MTERF3: variants seen among roughly 807,000 people sequenced by gnomAD.
The protein encoded by MTERF3 is transcription termination factor 3, mitochondrial.
A neutral mutation model predicts 40.5 loss-of-function variants in MTERF3; 40 were observed. The ratio of observed to expected loss-of-function variants is 0.99; its 90% confidence interval spans 0.77 to 1.29. MTERF3 has a LOEUF of 1.29. Among genes scored for constraint, MTERF3 ranks in the 50% most tolerant of loss-of-function variants. The pLI, the probability that MTERF3 is intolerant of heterozygous loss-of-function variation, is 0.00. For synonymous variants in MTERF3, 158 were observed against 166.6 expected, an observed-to-expected ratio of 0.95 and a Z score of 0.40; for missense variants, 452 against 478.2, an observed-to-expected ratio of 0.95 and a Z score of 0.51.
chr8:96,246,166 G>T, intron 5 of MTERF3, 141 bp downstream of exon 5: 1 of 865,238 alleles, frequency 1.2e-6, no homozygotes, highest in Non-Finnish European at 1.7e-6. Context: ...GTTTAAACTA[G>T]CAGGATAATT....
chr8:96,246,186 A>C, intron 5 of MTERF3, 121 bp downstream of exon 5: 1 of 1,003,034 alleles, frequency 1.0e-6, no homozygotes. Context: ...TCATTTTTGT[A>C]CAAAAAATAC....
chr8:96,239,694 G>GA lies in MTERF3; in HGVS notation c.1060-10dup, dbSNP rs754176923. On this transcript the variant is annotated splice_polypyrimidine_tract_variant and intron_variant, in intron 7 of 7. Transcript: ENST00000287025. ...AGCCTTGTATTAAATACCTAGAAAA[G>GA]AAAAAAAAGTTTTTAAAAAACACTG... 6.4e-6 allele frequency: 10 copies of GA among 1,562,506 alleles called. No homozygotes were observed. Among genetic ancestry groups the GA allele is most frequent in the Admixed American group, 2.2e-5 (1 of 46,082 alleles).
At chr8:96,258,222 C>G in intron 2 of MTERF3, 135 bp downstream of exon 2, 1 of 1,379,644 alleles carries the variant, frequency 7.2e-7, no homozygotes. Flanking sequence ...AGAAGTTCAT[C>G]AATAGAACTG....
At chr8:96,255,622 G>C (rs1810265094) in intron 3 of MTERF3, among the ~76,000 whole-genome samples, 1 of 147,072 alleles carries the variant, frequency 6.8e-6, no homozygotes, top group South Asian at 2.2e-4. Context: ...GGGAGACAGA[G>C]TGAGACCCAG....
chr8:96,247,263 G>A (rs902754888), intron 4 of MTERF3, among the ~76,000 whole-genome samples: 1 of 152,166 alleles, frequency 6.6e-6, no homozygotes, highest in Non-Finnish European at 1.5e-5. Flanking sequence ...GAGTGACCAT[G>A]CCTGGCCTGA....
Position 96,258,460 on chromosome 8 carries a change from A to C in MTERF3, c.231T>G (p.Ser77Arg), listed in dbSNP as rs1214480682. 6.2e-7 allele frequency: 1 copy of C among 1,614,120 alleles called. No homozygotes were observed. The highest frequency in any genetic ancestry group is 8.5e-7 in the Non-Finnish European group (1 of 1,179,954). ...TGCTTTGGGCAGAATTATTCTCCTGACTACTTGAGCTAGTAGACTGGGAAC... is the reference window on the plus strand; with the variant it reads ...TGCTTTGGGCAGAATTATTCTCCTGCCTACTTGAGCTAGTAGACTGGGAAC... ...WNSSQSTSSSSQENNSAQSSL... is the reference protein window; with the variant it reads ...WNSSQSTSSSRQENNSAQSSL... The change falls in exon 2 of 8, where the codon AGT becomes AGG. Residue 77 changes from serine to arginine, a missense_variant. Ser to Arg is a moderately radical substitution (Grantham distance 110). Coordinates refer to ENST00000287025, the MANE Select transcript of MTERF3 (RefSeq NM_015942.5).
At chr8:96,256,159 T>A (rs1810275442) in intron 3 of MTERF3, among the ~76,000 whole-genome samples, 1 of 152,166 alleles carries the variant, frequency 6.6e-6, no homozygotes, top group African/African-American at 2.4e-5. Flanking sequence ...AAAAATAAGA[T>A]GACTAAATGA....
chr8:96,244,153 G>T, intron 6 of MTERF3, 73 bp from the exon 7 acceptor site: 1 of 1,324,666 alleles, frequency 7.5e-7, no homozygotes, highest in Non-Finnish European at 1.0e-6. Context: ...AGGCTGCACT[G>T]ATTTTTTTTT....
chr8:96,260,694 T>C (rs1810367049), intron 1 of MTERF3, among the ~76,000 whole-genome samples: 2 of 152,248 alleles, frequency 1.3e-5, no homozygotes, highest in Admixed American at 1.3e-4. Flanking sequence ...TCTTTGTGCA[T>C]ACAACTAATG....
chr8:96,243,467 C>T (rs989346238), intron 7 of MTERF3, among the ~76,000 whole-genome samples: 7 of 152,148 alleles, frequency 4.6e-5, no homozygotes, highest in Non-Finnish European at 1.0e-4. Context: ...CAGATAATAT[C>T]ACTCACTAGG....
intron 3 of MTERF3, 115 bp from the exon 4 acceptor site, chr8:96,251,210 G>C: frequency 1.4e-6 from 1 of 703,530 alleles, no homozygotes; most frequent in Non-Finnish European, 2.2e-6. Context: ...AAGGAGCACT[G>C]AGATAGATCA....
Position 96,245,888 on chromosome 8 carries a change from C to T in MTERF3, c.869G>A (p.Ser290Asn). Residue 290 changes from serine to asparagine, a missense_variant, in exon 6 of 8, where the codon AGT becomes AAT. Physicochemically the swap from Ser to Asn is conservative, Grantham distance 46. Transcript: ENST00000287025. The part of the protein sequence containing the change: ...VVRLPRLLTG[S>N]LEPVKENMKV... ...CATATTTTCTTTCACGGGTTCCAGA[C>T]TTCCAGTTAGCAGCCTTGGGAGACG... The T allele has an allele frequency of 6.2e-7, 1 of 1,614,046 alleles. No homozygotes were observed. The highest frequency in any genetic ancestry group is 8.5e-7 in the Non-Finnish European group (1 of 1,179,962).
At chr8:96,242,651 A>T (rs2129871671) in intron 7 of MTERF3, among the ~76,000 whole-genome samples, 1 of 152,366 alleles carries the variant, frequency 6.6e-6, no homozygotes, top group South Asian at 2.1e-4. Flanking sequence ...ATAAAGATAG[A>T]GCTGGCACAC....
At chr8:96,250,687 G>C (rs372791179) in intron 4 of MTERF3, among the ~76,000 whole-genome samples, 4 of 19,284 alleles carry the variant, frequency 2.1e-4, no homozygotes, top group Non-Finnish European at 3.3e-4. Flanking sequence ...GAAGAAGGAG[G>C]AGGAGGAGGG....
chr8:96,240,598 G>A (rs1476631624), intron 7 of MTERF3, among the ~76,000 whole-genome samples: 1 of 152,104 alleles, frequency 6.6e-6, no homozygotes, highest in Non-Finnish European at 1.5e-5. Context: ...CTTTAGAAAG[G>A]AGTCAGAAGC....
chr8:96,240,579 C>T (rs753370495), intron 7 of MTERF3, among the ~76,000 whole-genome samples: 2 of 152,002 alleles, frequency 1.3e-5, no homozygotes, highest in Non-Finnish European at 2.9e-5. Context: ...CTAGAGTAAG[C>T]GGCAGCAACT....
At chr8:96,240,856 T>C (rs2129863931) in intron 7 of MTERF3, among the ~76,000 whole-genome samples, 1 of 152,184 alleles carries the variant, frequency 6.6e-6, no homozygotes, top group Middle Eastern at 3.4e-3. Flanking sequence ...AACAGATCAG[T>C]TGGAAAGGAC....
chr8:96,246,077 T>A, intron 5 of MTERF3, 146 bp from the exon 6 acceptor site: 2 of 837,714 alleles, frequency 2.4e-6, no homozygotes, highest in Non-Finnish European at 3.6e-6. Context: ...ATAGATAAGA[T>A]TAATACTGTT....
intron 4 of MTERF3, among the ~76,000 whole-genome samples, chr8:96,247,353 C>T (rs1408106697): frequency 1.3e-5 from 2 of 152,076 alleles, no homozygotes; most frequent in Non-Finnish European, 2.9e-5. Flanking sequence ...TGCTAAGTTT[C>T]TGAAGATCAA....
Sources: allele counts gnomAD v4.1 joint callset (sites outside exome capture counted in the v4.1 genomes callset), GRCh38; gene constraint gnomAD v4.1.1; transcripts MANE v1.5; gene names NCBI Gene and HGNC (gene_info 2026-07-23, HGNC 2026-07-21).